SPOP: variants seen among roughly 807,000 people sequenced by gnomAD.
SPOP encodes speckle-type POZ protein.
SPOP carries 11 observed loss-of-function variants against 45.6 expected under a neutral mutation model. The ratio of observed to expected loss-of-function variants is 0.24; its 90% CI spans 0.15 to 0.40. The LOEUF (loss-of-function observed/expected upper bound fraction) is 0.40, where lower values mean the gene tolerates loss of function less well. Ranked by LOEUF, SPOP falls within the 10% of genes least tolerant of loss-of-function variation. The pLI, the probability that SPOP is intolerant of heterozygous loss-of-function variation, is 1.00. For missense variants in SPOP, 152 were observed against 465.6 expected, an observed-to-expected ratio of 0.33 and a Z score of 6.20; for synonymous variants, 166 against 166.3, an observed-to-expected ratio of 1.00 and a Z score of 0.01.
intron 1 of SPOP, among the ~76,000 whole-genome samples, chr17:49,661,479 C>T (rs1262689060): frequency 6.6e-6 from 1 of 152,138 alleles, no homozygotes; most frequent in Non-Finnish European, 1.5e-5. Context: ...TTCAAAATAC[C>T]CACCCTTCAA....
At chr17:49,616,614 T>A (rs1431012893) in intron 5 of SPOP, among the ~76,000 whole-genome samples, 1 of 152,160 alleles carries the variant, frequency 6.6e-6, no homozygotes, top group Non-Finnish European at 1.5e-5. Context: ...GCAGACATCC[T>A]TAAAACCCAC....
chr17:49,618,399 C>T (rs2072135656), intron 5 of SPOP: 1 of 363,580 alleles, frequency 2.8e-6, no homozygotes, highest in Non-Finnish European at 5.4e-6. Flanking sequence ...GCTCTTAGGT[C>T]ACTGGTGAGA....
rs1418535318 is a variant in SPOP at position 49,619,932 on chromosome 17, G to A, written c.201-547C>T. Among the ~76,000 whole-genome samples the A allele has an allele frequency of 6.6e-6, 1 of 152,098 alleles. No individual in the cohort carries two copies. Among genetic ancestry groups the A allele is most frequent in the Non-Finnish European group, 1.5e-5 (1 of 68,022 alleles). On this transcript the variant is annotated intron_variant, in intron 3 of 9. Coordinates refer to ENST00000504102, the MANE Select transcript of SPOP (RefSeq NM_001007228.2). The surrounding 1 kb of genome is among the most constrained non-coding windows in gnomAD (Gnocchi z 4.9). ...TCAGCACTTTGGGAGGCCAAAGCGG[G>A]CGCATCACTTGAGGTCAGGACTTCG... is the stretch of plus-strand genomic sequence containing the variant.
In SPOP at chr17:49,622,769, C is replaced by G; in HGVS notation, c.42G>C (p.Ser14=). The change falls in exon 2 of 10, where the codon TCG becomes TCC. Residue 14 remains serine (S), a synonymous_variant. Coordinates refer to ENST00000504102, the MANE Select transcript of SPOP (RefSeq NM_001007228.2). ...VPSPPPPAEM[S]SGPVAESWCY... is the part of the protein sequence containing the mutation. The stretch of plus-strand genomic sequence containing the variant: ...ACCAACTCTCAGCTACGGGGCCACT[C>G]GACATTTCTGCCGGAGGTGGAGGAC... 1.9e-6 allele frequency: 3 copies of G among 1,614,100 alleles called. No homozygotes were observed. Among genetic ancestry groups the G allele is most frequent in the South Asian group, 1.1e-5 (1 of 91,090 alleles).
chr17:49,669,466 A>T (rs1032118436), intron 1 of SPOP, among the ~76,000 whole-genome samples: 14 of 139,736 alleles, frequency 1.0e-4, no homozygotes, highest in African/African-American at 2.3e-4. Context: ...ACGGAATATT[A>T]AAAAAAAAAA....
chr17:49,633,022 C>T (rs1404429777), intron 1 of SPOP, among the ~76,000 whole-genome samples: 2 of 152,080 alleles, frequency 1.3e-5, no homozygotes, highest in Non-Finnish European at 2.9e-5. Context: ...CTGGCATAGC[C>T]AAATATTTCT....
rs964807969 is a variant in SPOP at position 49,614,335 on chromosome 17, A to T, written c.481-2878T>A. On this transcript the variant is annotated intron_variant, in intron 5 of 9. Transcript: ENST00000504102. ...CACTAAATATGGATGAAGTATAGTT[A>T]TATAAATTTTAGAAACATAATGTGA... Among the ~76,000 whole-genome samples, 4 of 152,244 alleles carry T rather than the reference A, an allele frequency of 2.6e-5. No individual in the cohort carries two copies. The South Asian group carries it at 6.2e-4, about 24-fold the overall frequency.
rs2143268798 is a variant in SPOP at position 49,619,230 on chromosome 17, T to A, written c.352+4A>T. 1 of 1,614,158 alleles carries A rather than the reference T, an allele frequency of 6.2e-7. No homozygotes were observed. The highest frequency in any genetic ancestry group is 8.5e-7 in the Non-Finnish European group (1 of 1,180,036). On this transcript the variant is annotated splice_donor_region_variant and intron_variant, in intron 4 of 9. Coordinates refer to ENST00000504102, the MANE Select transcript of SPOP (RefSeq NM_001007228.2). The surrounding 1 kb of genome is among the most constrained non-coding windows in gnomAD (Gnocchi z 4.9). The stretch of plus-strand genomic sequence containing the variant: ...AAGAGTTGAACAAAGAGGAGAACAT[T>A]TACCCATAGCTTTGGTTTCTTCTCC...
chr17:49,620,297 G>C (rs774846282), intron 3 of SPOP, among the ~76,000 whole-genome samples: 2 of 151,974 alleles, frequency 1.3e-5, no homozygotes, highest in Non-Finnish European at 2.9e-5. Context: ...GACCAACATG[G>C]TGTAATCCTG....
At position 49,622,812 on chromosome 17, in the gene SPOP, G is replaced by A. The variant is rs756180522; in HGVS notation, c.-2C>T. On this transcript the variant is annotated 5_prime_UTR_variant, in exon 2 of 10. Transcript: ENST00000504102. Reference sequence around the variant, plus strand: ...TGGAGGACTTGGAACCCTTGACATCGCCAGTTTGAAGGTTAAACGAGATTT... The same window carrying A: ...TGGAGGACTTGGAACCCTTGACATCACCAGTTTGAAGGTTAAACGAGATTT... The A allele has an allele frequency of 4.3e-6, 7 of 1,613,676 alleles. No individual in the cohort carries two copies. Among genetic ancestry groups the A allele is most frequent in the South Asian group, 2.2e-5 (2 of 91,080 alleles).
intron 1 of SPOP, among the ~76,000 whole-genome samples, chr17:49,670,676 A>T (rs752998229): frequency 6.6e-6 from 1 of 152,182 alleles, no homozygotes; most frequent in Non-Finnish European, 1.5e-5. Context: ...TAGTGTGATG[A>T]ATTTTCAGAA....
chr17:49,652,901 G>T (rs1018201231), intron 1 of SPOP, among the ~76,000 whole-genome samples: 1 of 152,144 alleles, frequency 6.6e-6, no homozygotes, highest in Non-Finnish European at 1.5e-5. Context: ...AGAGGTAGTT[G>T]CTTTAAGAAC....
intron 8 of SPOP, among the ~76,000 whole-genome samples, chr17:49,605,310 T>G (rs1200517037): frequency 6.6e-6 from 1 of 152,214 alleles, no homozygotes; most frequent in Non-Finnish European, 1.5e-5. Context: ...GGTAAAAGAT[T>G]ACGGCCATGC....
At chr17:49,602,669 A>C (rs2071762286) in intron 8 of SPOP, among the ~76,000 whole-genome samples, 1 of 152,230 alleles carries the variant, frequency 6.6e-6, no homozygotes, top group African/African-American at 2.4e-5. Flanking sequence ...CTCCTTTTAA[A>C]TAGAGAAGGA....
chr17:49,636,475 C>T (rs2072544838), intron 1 of SPOP, among the ~76,000 whole-genome samples: 1 of 152,130 alleles, frequency 6.6e-6, no homozygotes, highest in Non-Finnish European at 1.5e-5. Flanking sequence ...ATAGTTCTGG[C>T]TTACTCCAGG....
At chr17:49,633,898 C>T (rs2072496715) in intron 1 of SPOP, among the ~76,000 whole-genome samples, 1 of 151,776 alleles carries the variant, frequency 6.6e-6, no homozygotes, top group Admixed American at 6.6e-5. Context: ...GAGGATCCAG[C>T]AGAATAATGG....
intron 5 of SPOP, among the ~76,000 whole-genome samples, chr17:49,614,142 A>AT (rs1191147458): frequency 3.3e-5 from 5 of 152,240 alleles, no homozygotes; most frequent in East Asian, 1.9e-4. Flanking sequence ...AGGGAAATAC[A>AT]TTTTTTAACT....
intron 1 of SPOP, among the ~76,000 whole-genome samples, chr17:49,633,792 T>C (rs926179548): frequency 6.6e-6 from 1 of 152,176 alleles, no homozygotes; most frequent in African/African-American, 2.4e-5. Context: ...TCTTGAATTT[T>C]TGTTTTACTT....
At chr17:49,603,293 GT>G (rs1381633233) in intron 8 of SPOP, among the ~76,000 whole-genome samples, 3 of 152,194 alleles carry the variant, frequency 2.0e-5, no homozygotes, top group Admixed American at 1.3e-4. Context: ...TGAAGTTGCC[GT>G]TTTTGTTTTA....
Sources: allele counts gnomAD v4.1 joint callset (sites outside exome capture counted in the v4.1 genomes callset), GRCh38; gene constraint gnomAD v4.1.1; non-coding constraint Gnocchi (gnomAD v3.1); transcripts MANE v1.5; gene names NCBI Gene and HGNC (gene_info 2026-07-23, HGNC 2026-07-21).